COL4A6: variants seen among roughly 807,000 people sequenced by gnomAD.
COL4A6 encodes the protein collagen type IV alpha 6 chain, also known as collagen alpha-6(IV) chain.
COL4A6 carries 59 observed loss-of-function variants against 126.7 expected under a neutral mutation model. The ratio of observed to expected loss-of-function variants is 0.47; its 90% CI spans 0.38 to 0.58. The LOEUF is 0.58. COL4A6 is among the 20% of genes least tolerant of loss of function. The pLI, the probability that COL4A6 is intolerant of heterozygous loss-of-function variation, is 0.00. For synonymous variants in COL4A6, 547 were observed against 496.6 expected (o/e 1.10, Z -1.35); for missense variants, 1,285 against 1,337.3 (o/e 0.96, Z 0.61).
Position 108,163,045 on chromosome X carries a change from G to A in COL4A6, c.4070-7C>T, listed in dbSNP as rs1294477604. The A allele has an allele frequency of 6.7e-6, 8 of 1,187,869 alleles. No homozygotes were observed. Among genetic ancestry groups the A allele is most frequent in the Non-Finnish European group, 9.0e-6 (8 of 887,262 alleles). On this transcript the variant is annotated splice_polypyrimidine_tract_variant and splice_region_variant and intron_variant, in intron 40 of 44. Transcript: ENST00000334504. ...CCTTGGAGGCCAGAAGAGCCTGTGGGCAGGTGGGGGAAATAAGAACATCAG... is the reference window on the plus strand; with the variant it reads ...CCTTGGAGGCCAGAAGAGCCTGTGGACAGGTGGGGGAAATAAGAACATCAG...
chrX:108,345,823 A>G (rs923423134), intron 2 of COL4A6, among the ~76,000 whole-genome samples: 5 of 111,523 alleles, frequency 4.5e-5, no homozygotes, highest in African/African-American at 1.6e-4. Flanking sequence ...GTGATTCTCA[A>G]CTCTGACTGC....
At chrX:108,308,582 T>C (rs1187662461) in intron 3 of COL4A6, among the ~76,000 whole-genome samples, 3 of 112,299 alleles carry the variant, frequency 2.7e-5, no homozygotes, top group Non-Finnish European at 5.6e-5. Flanking sequence ...AGAAGAAATA[T>C]GAATTTCCAG....
chrX:108,309,440 G>T (rs1850648186), intron 3 of COL4A6, among the ~76,000 whole-genome samples: 1 of 111,114 alleles, frequency 9.0e-6, no homozygotes, highest in Admixed American at 9.6e-5. Context: ...CAACAAATAA[G>T]ATGTGAAGCT....
At chrX:108,160,086 A>G (rs1172993701) in intron 43 of COL4A6, among the ~76,000 whole-genome samples, 1 of 112,387 alleles carries the variant, frequency 8.9e-6, no homozygotes, top group Non-Finnish European at 1.9e-5. Flanking sequence ...ATTGCCCTGC[A>G]GGTCATATTA....
At chrX:108,208,875 C>A (rs1338693550) in intron 8 of COL4A6, among the ~76,000 whole-genome samples, 1 of 111,619 alleles carries the variant, frequency 9.0e-6, no homozygotes, top group African/African-American at 3.3e-5. Context: ...CCTGTGATCA[C>A]CTTGCTGATC....
chrX:108,316,419 T>C (rs2038881890), intron 2 of COL4A6, among the ~76,000 whole-genome samples: 2 of 111,745 alleles, frequency 1.8e-5, no homozygotes, highest in South Asian at 3.8e-4. Flanking sequence ...TTGATCTGTA[T>C]TATGGAGGAA....
chrX:108,370,586 A>C (rs1298128996), intron 2 of COL4A6, among the ~76,000 whole-genome samples: 2 of 111,866 alleles, frequency 1.8e-5, no homozygotes, highest in Non-Finnish European at 3.8e-5. Flanking sequence ...CTGACTATAC[A>C]TCAAGGACAT....
chrX:108,356,853 T>C (rs1363347235), intron 2 of COL4A6, among the ~76,000 whole-genome samples: 1 of 110,831 alleles, frequency 9.0e-6, no homozygotes, highest in African/African-American at 3.3e-5. Context: ...ATTTTTCATC[T>C]GTAATATTTA....
chrX:108,195,808 C>A lies in COL4A6; in HGVS notation c.904-682G>T, dbSNP rs555737468. On this transcript the variant is annotated intron_variant, in intron 14 of 44. Transcript: ENST00000334504. ...TTGGTGATTATATGTATTTTCAAGA[C>A]AAGGAGCGGGGGAAAGTAGAGAAAG... 1.3e-4 allele frequency among the ~76,000 whole-genome samples: 14 copies of A among 111,270 alleles called. 1 individual carries two copies. In the South Asian group the frequency reaches 5.4e-3, roughly 43 times the overall value.
intron 3 of COL4A6, among the ~76,000 whole-genome samples, chrX:108,251,843 TG>T (rs2036857214): frequency 8.9e-6 from 1 of 111,851 alleles, no homozygotes; most frequent in Admixed American, 9.5e-5. Context: ...TTAAAAGTTT[TG>T]TTTTTAATTG....
intron 3 of COL4A6, among the ~76,000 whole-genome samples, chrX:108,256,745 T>C (rs1007839465): frequency 2.7e-5 from 3 of 111,122 alleles, no homozygotes; most frequent in African/African-American, 9.8e-5. Context: ...TGGAGTCTAA[T>C]AATCTTTGTT....
At chrX:108,273,340 G>A (rs2037505781) in intron 3 of COL4A6, among the ~76,000 whole-genome samples, 1 of 109,724 alleles carries the variant, frequency 9.1e-6, no homozygotes, top group Non-Finnish European at 1.9e-5. Context: ...AGCAGGTGCT[G>A]GAGAGGATGT....
At position 108,170,804 on chromosome X, in the gene COL4A6, T is replaced by A; in HGVS notation, c.3385+6A>T. On this transcript the variant is annotated splice_donor_region_variant and intron_variant, in intron 34 of 44. Transcript: ENST00000334504. ...TTCAGAATAAGGTTATCATGTGGCA[T>A]GGTACCTGGAGCTCCAGGAAGGCCA... The A allele has an allele frequency of 8.3e-7, 1 of 1,209,817 alleles. No individual in the cohort carries two copies. Among genetic ancestry groups the A allele is most frequent in the East Asian group, 3.0e-5 (1 of 33,842 alleles).
chrX:108,282,526 C>G (rs1414868418), intron 3 of COL4A6, among the ~76,000 whole-genome samples: 5 of 111,211 alleles, frequency 4.5e-5, no homozygotes, highest in African/African-American at 1.3e-4. Flanking sequence ...TGGAGAAATA[C>G]GAACAGTTTT....
chrX:108,432,940 A>G (rs1003472261), intron 2 of COL4A6, among the ~76,000 whole-genome samples: 3 of 112,347 alleles, frequency 2.7e-5, no homozygotes, highest in Non-Finnish European at 5.6e-5. Context: ...GTGAAGTCAG[A>G]TAGAATGGGG....
chrX:108,344,234 C>T (rs901827754), intron 2 of COL4A6, among the ~76,000 whole-genome samples: 1 of 111,282 alleles, frequency 9.0e-6, no homozygotes, highest in Non-Finnish European at 1.9e-5. Context: ...GCAAAAGTTG[C>T]ATCTGCCTTT....
chrX:108,284,544 AAAAC>A (rs1639456548), intron 3 of COL4A6, among the ~76,000 whole-genome samples: 2 of 112,457 alleles, frequency 1.8e-5, no homozygotes, highest in South Asian at 7.4e-4. Context: ...AAAACAAAAC[AAAAC>A]AAACTACCAA....
intron 2 of COL4A6, among the ~76,000 whole-genome samples, chrX:108,346,602 G>A (rs2039714136): frequency 8.9e-6 from 1 of 112,220 alleles, no homozygotes; most frequent in African/African-American, 3.2e-5. Context: ...TTCTTGGAAA[G>A]TGTGACTGTA....
At chrX:108,211,132 A>C (rs1343286319) in intron 7 of COL4A6, among the ~76,000 whole-genome samples, 1 of 111,847 alleles carries the variant, frequency 8.9e-6, no homozygotes, top group East Asian at 2.8e-4. Flanking sequence ...TCACAAGAAC[A>C]CAGAAGGTTC....
Sources: allele counts gnomAD v4.1 joint callset (sites outside exome capture counted in the v4.1 genomes callset), GRCh38; gene constraint gnomAD v4.1.1; transcripts MANE v1.5; gene names NCBI Gene and HGNC (gene_info 2026-07-23, HGNC 2026-07-21).